The following RYR2 variants were observed in gnomAD, a reference collection of about 807,000 sequenced individuals.
The protein encoded by RYR2 is ryanodine receptor 2.
Under a neutral mutation model 601.1 loss-of-function variants are expected in RYR2, and 227 were observed. The observed-to-expected ratio is 0.38, with a 90% CI of 0.34 to 0.42. The LOEUF is 0.42. Ranked by LOEUF, RYR2 falls within the 10% of genes least tolerant of loss-of-function variation. The probability of loss-of-function intolerance (pLI) is 1.00; values close to 1 mark genes in which losing one functional copy is unlikely to be tolerated. For missense variants in RYR2, 4,646 were observed against 6,156.5 expected (o/e 0.75, Z 8.21); for synonymous variants, 2,223 against 2,175.1 (o/e 1.02, Z -0.61).
intron 91 of RYR2, among the ~76,000 whole-genome samples, chr1:237,786,707 C>G (rs965163507): frequency 5.3e-5 from 8 of 152,200 alleles, no homozygotes; most frequent in African/African-American, 1.9e-4. Context: ...TCTTTCTCCA[C>G]GTTTATAGAA....
At chr1:237,452,935 C>A (rs149982652) in intron 14 of RYR2, among the ~76,000 whole-genome samples, 116 of 152,076 alleles carry the variant, frequency 7.6e-4, no homozygotes, top group African/African-American at 2.6e-3. Context: ...TGAATAGTTA[C>A]ATTCCTCATG....
At chr1:237,056,594 C>CACTGCACCTGTGAGGACTGG (rs1558155508) in intron 1 of RYR2, among the ~76,000 whole-genome samples, 35 of 53,112 alleles carry the variant, frequency 6.6e-4, no homozygotes, top group East Asian at 2.6e-3. Context: ...GTGAGGACTG[C>CACTGCACCTGTGAGGACTGG]AGCACTGCAC....
At chr1:237,159,085 G>A (rs529048947) in intron 1 of RYR2, among the ~76,000 whole-genome samples, 1 of 152,238 alleles carries the variant, frequency 6.6e-6, no homozygotes, top group South Asian at 2.1e-4. Flanking sequence ...CTGAGGTCAG[G>A]AGTTGGAGAC....
At chr1:237,147,634 A>T (rs747564991) in intron 1 of RYR2, among the ~76,000 whole-genome samples, 5 of 152,254 alleles carry the variant, frequency 3.3e-5, no homozygotes, top group Non-Finnish European at 7.3e-5. Context: ...TGCCAACCTC[A>T]TGGTGAATAC....
chr1:237,755,812 A>G (rs1337272185), intron 80 of RYR2, among the ~76,000 whole-genome samples: 2 of 152,112 alleles, frequency 1.3e-5, no homozygotes, highest in Non-Finnish European at 2.9e-5. Flanking sequence ...ATCAGCTTTC[A>G]ATTTTACTTA....
intron 1 of RYR2, among the ~76,000 whole-genome samples, chr1:237,241,792 A>G (rs1326300375): frequency 1.3e-5 from 2 of 152,166 alleles, no homozygotes; most frequent in Non-Finnish European, 2.9e-5. Flanking sequence ...ACTTCCAGAC[A>G]TTGTCATGGC....
At position 237,206,789 on chromosome 1, in the gene RYR2, T is replaced by C. The variant is rs12093928; in HGVS notation, c.49-63708T>C. 1.3e-3 allele frequency among the ~76,000 whole-genome samples: 204 copies of C among 152,336 alleles called. 3 individuals carry two copies. The highest frequency in any genetic ancestry group is 4.8e-3 in the African/African-American group (200 of 41,576). On this transcript the variant is annotated intron_variant, in intron 1 of 104. Coordinates refer to ENST00000366574, the MANE Select transcript of RYR2 (RefSeq NM_001035.3). ...CTCATTCGGGCATTCACCAATCTAC[T>C]ATTGGACACTATCCCGGCCATTGCA...
At chr1:237,268,950 A>AAAAAAC (rs71180016) in intron 1 of RYR2, among the ~76,000 whole-genome samples, 23,828 of 107,152 alleles carry the variant, frequency 0.22, 5,885 homozygotes, top group Non-Finnish European at 0.38. Context: ...AAAAAAAAAA[A>AAAAAAC]AAAAAAAAAA....
intron 94 of RYR2, among the ~76,000 whole-genome samples, chr1:237,792,751 G>A (rs73103921): frequency 2.5e-3 from 382 of 152,224 alleles, no homozygotes; most frequent in African/African-American, 8.3e-3. Context: ...AGAGAATTTC[G>A]CCTATAACTT....
chr1:237,687,734 A>C (rs1033610256), intron 63 of RYR2, among the ~76,000 whole-genome samples: 1 of 152,202 alleles, frequency 6.6e-6, no homozygotes, highest in African/African-American at 2.4e-5. Context: ...CTGAAAGTAA[A>C]AAGACTATTA....
intron 7 of RYR2, among the ~76,000 whole-genome samples, chr1:237,377,027 A>G (rs1470507375): frequency 1.3e-5 from 2 of 152,246 alleles, no homozygotes; most frequent in African/African-American, 4.8e-5. Context: ...GAATGAAATC[A>G]GATCAGTGTG....
chr1:237,200,425 T>C (rs1681065322), intron 1 of RYR2, among the ~76,000 whole-genome samples: 1 of 152,028 alleles, frequency 6.6e-6, no homozygotes, highest in Non-Finnish European at 1.5e-5. Context: ...CCACCATGCC[T>C]GGCTAACTTT....
intron 1 of RYR2, among the ~76,000 whole-genome samples, chr1:237,182,635 T>A (rs1678905816): frequency 6.6e-6 from 1 of 152,234 alleles, no homozygotes; most frequent in Admixed American, 6.5e-5. Flanking sequence ...ACTTGGTGCT[T>A]CTAAAATACA....
chr1:237,687,096 A>G (rs1686461005), intron 62 of RYR2, among the ~76,000 whole-genome samples: 2 of 152,184 alleles, frequency 1.3e-5, no homozygotes, highest in African/African-American at 4.8e-5. Context: ...GGCAGATAAA[A>G]CCAAATTTTT....
At chr1:237,190,184 C>A (rs939851161) in intron 1 of RYR2, among the ~76,000 whole-genome samples, 7 of 152,148 alleles carry the variant, frequency 4.6e-5, no homozygotes, top group African/African-American at 7.2e-5. Context: ...CCACCGTGCC[C>A]AGCCATACTG....
At chr1:237,518,249 A>G (rs1666751534) in intron 24 of RYR2, among the ~76,000 whole-genome samples, 1 of 141,892 alleles carries the variant, frequency 7.0e-6, no homozygotes, top group African/African-American at 2.4e-5. Flanking sequence ...TCTCTTTTCT[A>G]TTGTTTTTTT....
intron 71 of RYR2, among the ~76,000 whole-genome samples, chr1:237,716,372 C>G (rs1689264504): frequency 6.6e-6 from 1 of 150,796 alleles, no homozygotes; most frequent in South Asian, 2.1e-4. Flanking sequence ...ATTTCATTAT[C>G]ACGAAACTAT....
chr1:237,678,758 G>C (rs2148928906), intron 61 of RYR2, among the ~76,000 whole-genome samples: 1 of 152,288 alleles, frequency 6.6e-6, no homozygotes. Flanking sequence ...TGTCTAGTGT[G>C]GGTCAGGCAT....
At chr1:237,433,781 C>T (rs566221345) in intron 12 of RYR2, among the ~76,000 whole-genome samples, 11 of 152,132 alleles carry the variant, frequency 7.2e-5, no homozygotes, top group South Asian at 2.1e-4. Flanking sequence ...TAAAAAATGA[C>T]GTAACATATA....
Sources: gnomAD v4.1 joint callset for allele counts (sites outside exome capture counted in the v4.1 genomes callset) on GRCh38, gnomAD v4.1.1 for gene constraint, MANE v1.5 for transcripts, NCBI Gene and HGNC (gene_info 2026-07-23, HGNC 2026-07-21) for gene names.